CAPS2: variants seen among roughly 807,000 people sequenced by gnomAD.
The protein encoded by CAPS2 is calcyphosine 2, also known as calcyphosin-2.
A neutral mutation model predicts 86.5 loss-of-function variants in CAPS2; 98 were observed. The ratio of observed to expected loss-of-function variants is 1.13; its 90% CI spans 0.96 to 1.34. The LOEUF is 1.34. Ranked by LOEUF, CAPS2 falls within the 40% of genes most tolerant of loss-of-function variation. The probability of loss-of-function intolerance (pLI) is 0.00; values close to 1 mark genes in which losing one functional copy is unlikely to be tolerated. For missense variants in CAPS2, 729 were observed against 686.8 expected (o/e 1.06, Z -0.69); for synonymous variants, 210 against 225.1 (o/e 0.93, Z 0.60).
At position 75,295,457 on chromosome 12, in the gene CAPS2, A is replaced by C. The variant is rs539116948; in HGVS notation, c.1045-2090T>G. Among the ~76,000 whole-genome samples the C allele has an allele frequency of 5.9e-5, 9 of 152,378 alleles. No homozygotes were observed. In the South Asian group the frequency reaches 1.9e-3, roughly 32 times the overall value. On this transcript the variant is annotated intron_variant, in intron 11 of 16. Transcript: ENST00000393284. Reference sequence around the variant, plus strand: ...TTCATCCAGTCTTCACTGACTAAAAATCTGGACACATACGATGTTCGCTTT... The same window carrying C: ...TTCATCCAGTCTTCACTGACTAAAACTCTGGACACATACGATGTTCGCTTT...
At chr12:75,276,135 T>C, downstream of CAPS2, 1 of 1,462,012 alleles carries the variant, frequency 6.8e-7, no homozygotes, top group Non-Finnish European at 9.1e-7. Flanking sequence ...CTGCAGATTG[T>C]CTTTGCTCTT....
chr12:75,346,422 G>A (rs531357408), intron 1 of CAPS2, among the ~76,000 whole-genome samples: 26 of 149,636 alleles, frequency 1.7e-4, no homozygotes, highest in African/African-American at 5.4e-4. Flanking sequence ...ACGGAGTCTC[G>A]CCCTGTAACC....
chr12:75,330,062 T>C, upstream of CAPS2: 1 of 404,606 alleles, frequency 2.5e-6, no homozygotes, highest in South Asian at 1.0e-4. Context: ...CGTCTGCAGG[T>C]TGCCCGGCAA....
chr12:75,291,718 C>A, intron 13 of CAPS2, 26 bp downstream of exon 13: 5 of 1,298,948 alleles, frequency 3.8e-6, no homozygotes, highest in East Asian at 2.7e-5. Context: ...ATTCAAAGTA[C>A]TTGAGAGTAC....
chr12:75,323,182 C>T (rs951451548), exon 3 of CAPS2: 1 of 1,539,372 alleles, frequency 6.5e-7, no homozygotes, highest in Non-Finnish European at 8.8e-7. Flanking sequence ...ATTACCTCAT[C>T]ATCAGAGTCA....
At chr12:75,374,456 C>T (rs2044544355) in intron 1 of CAPS2, among the ~76,000 whole-genome samples, 1 of 152,194 alleles carries the variant, frequency 6.6e-6, no homozygotes, top group African/African-American at 2.4e-5. Context: ...GGCCCCATAG[C>T]ACTGGACCTC....
At chr12:75,337,598 G>C (rs1015575555) in intron 1 of CAPS2, among the ~76,000 whole-genome samples, 1 of 151,918 alleles carries the variant, frequency 6.6e-6, no homozygotes. Flanking sequence ...TGCATAAAAT[G>C]CACTAGTTTT....
At chr12:75,329,506 T>C (rs1260256892), upstream of CAPS2, among the ~76,000 whole-genome samples, 1 of 151,842 alleles carries the variant, frequency 6.6e-6, no homozygotes, top group Non-Finnish European at 1.5e-5. Flanking sequence ...AGGATGACTA[T>C]TTCCACTTCC....
In CAPS2 at chr12:75,388,365, C is replaced by T. The variant is rs115289169; in HGVS notation, c.-395+2473G>A. ...TTAGTGGCATGAGAATAGAATAATA[C>T]ACCAATACCTAGAATCAGCCAACAT... On this transcript the variant is annotated intron_variant, in intron 1 of 5. Coordinates refer to the CAPS2 transcript ENST00000551829. 2.8e-3 allele frequency among the ~76,000 whole-genome samples: 426 copies of T among 152,232 alleles called. 1 individual carries two copies. Among genetic ancestry groups the T allele is most frequent in the African/African-American group, 9.6e-3 (398 of 41,522 alleles).
At chr12:75,291,648 A>C in intron 13 of CAPS2, 96 bp downstream of exon 13, 2 of 313,928 alleles carry the variant, frequency 6.4e-6, no homozygotes, top group East Asian at 5.6e-5. Context: ...ATATAAATCA[A>C]GTGCCACTGA....
intron 1 of CAPS2, chr12:75,370,196 A>G (rs541396838): frequency 2.9e-5 from 34 of 1,174,832 alleles, no homozygotes; most frequent in Non-Finnish European, 4.2e-5. Context: ...TATACAAAAG[A>G]AATTCTCAAA....
At chr12:75,332,750 A>T (rs186736320), upstream of CAPS2, among the ~76,000 whole-genome samples, 29 of 152,364 alleles carry the variant, frequency 1.9e-4, no homozygotes, top group Admixed American at 1.8e-3. Context: ...TGTAGCAATG[A>T]AGAAAACAAA....
intron 7 of CAPS2, among the ~76,000 whole-genome samples, chr12:75,310,854 T>G (rs2039078545): frequency 6.6e-6 from 1 of 152,084 alleles, no homozygotes; most frequent in Non-Finnish European, 1.5e-5. Context: ...TGTTCTTCTC[T>G]CAAAGGTAGC....
intron 16 of CAPS2, among the ~76,000 whole-genome samples, chr12:75,279,775 T>C (rs2033576622): frequency 6.6e-6 from 1 of 151,988 alleles, no homozygotes; most frequent in Non-Finnish European, 1.5e-5. Context: ...GAGATGGTAA[T>C]ATAAAATAAT....
chr12:75,303,658 C>T (rs549591431), intron 8 of CAPS2, among the ~76,000 whole-genome samples: 12 of 152,250 alleles, frequency 7.9e-5, no homozygotes, highest in African/African-American at 1.9e-4. Context: ...ACATAAATGA[C>T]GACCTCCTCT....
chr12:75,284,909 A>C, intron 15 of CAPS2, 52 bp downstream of exon 15: 1 of 1,473,456 alleles, frequency 6.8e-7, no homozygotes, highest in Admixed American at 1.9e-5. Flanking sequence ...AAAATACTGA[A>C]CCTAACAATC....
Position 75,337,119 on chromosome 12 carries a change from A to G in CAPS2, c.-394-13897T>C, listed in dbSNP as rs548081152. Among the ~76,000 whole-genome samples the G allele has an allele frequency of 3.9e-5, 6 of 152,000 alleles. No individual in the cohort carries two copies. The East Asian group carries it at 9.6e-4, about 24-fold the overall frequency. On this transcript the variant is annotated intron_variant, in intron 1 of 5. Transcript: ENST00000551829. ...TATAGCAAAAGAAGTGTTTGGAAGC[A>G]TACGTATAGATTTAAATGAATATTT...
chr12:75,346,178 AT>A (rs2042431989), intron 1 of CAPS2, among the ~76,000 whole-genome samples: 1 of 152,232 alleles, frequency 6.6e-6, no homozygotes, highest in Admixed American at 6.5e-5. Flanking sequence ...ATAAAATTTA[AT>A]GATGTAGTTA....
chr12:75,382,317 A>T (rs973019117), intron 1 of CAPS2, among the ~76,000 whole-genome samples: 4 of 152,242 alleles, frequency 2.6e-5, no homozygotes, highest in African/African-American at 9.6e-5. Context: ...ATCAAAAAGC[A>T]TATGGAATTA....
Sources: gnomAD v4.1 joint callset for allele counts (sites outside exome capture counted in the v4.1 genomes callset) on GRCh38, gnomAD v4.1.1 for gene constraint, MANE v1.5 for transcripts, NCBI Gene and HGNC (gene_info 2026-07-23, HGNC 2026-07-21) for gene names.